RTN2: variants seen among roughly 807,000 people sequenced by gnomAD.
The protein encoded by RTN2 is reticulon 2.
In RTN2, 36 loss-of-function variants were observed where a neutral mutation model predicts 63.7. The observed-to-expected ratio is 0.56, with a 90% confidence interval of 0.43 to 0.75. The LOEUF (loss-of-function observed/expected upper bound fraction) is 0.75, where lower values mean the gene tolerates loss of function less well. RTN2 is among the 30% of genes least tolerant of loss of function. The probability of loss-of-function intolerance (pLI) is 0.00; values close to 1 mark genes in which losing one functional copy is unlikely to be tolerated. For synonymous variants in RTN2, 312 were observed against 313.0 expected (o/e 1.00, Z 0.03); for missense variants, 673 against 705.1 (o/e 0.95, Z 0.52).
rs10421736 is a variant in RTN2, at chr19:45,494,003, T to A, written c.814+163A>T. 611,336 of 1,223,612 alleles carry A rather than the reference T, an allele frequency of 0.5. 154,426 individuals carry two copies. The highest frequency in any genetic ancestry group is 0.54 in the East Asian group (22,816 of 41,868). The allele number at this position is 1,223,612 out of a possible 1,614,324, so 75.8% of individuals were successfully genotyped here. On this transcript the variant is annotated intron_variant, in intron 4 of 10. Transcript: ENST00000245923. The surrounding 1 kb of genome is among the most constrained non-coding windows in gnomAD (Gnocchi z 5.3). ...CCGCGCCCGGCCGGGGAAATTTTTT[T>A]AAAAAGCGGAGTTTATCACGTCTAG...
chr19:45,494,359 G>A lies in RTN2; in HGVS notation c.621C>T (p.Leu207=). 1.9e-6 allele frequency: 3 copies of A among 1,614,114 alleles called. No homozygotes were observed. The highest frequency in any genetic ancestry group is 2.2e-5 in the East Asian group (1 of 44,876). ...CCTGGGGTGTCCCAGAGCCCGGACT[G>A]AGCTGGGGAGTCAAGACCTCGGGCG... ...PSSPEVLTPQ[L]SPGSGTPQAG... Residue 207 remains leucine, a synonymous_variant, in exon 4 of 11, where the codon CTC becomes CTT. Transcript: ENST00000245923. This position sits in a 1 kb window ranked among gnomAD's most constrained non-coding sequence, Gnocchi z 5.3.
Position 45,494,319 on chromosome 19 carries a change from G to C in RTN2, c.661C>G (p.Pro221Ala), listed in dbSNP as rs1488284171. 1 of 1,614,138 alleles carries C rather than the reference G, an allele frequency of 6.2e-7. No homozygotes were observed. The highest frequency in any genetic ancestry group is 8.5e-7 in the Non-Finnish European group (1 of 1,180,024). Residue 221 changes from proline to alanine, a missense_variant, in exon 4 of 11, where the codon CCA (proline) becomes GCA (alanine). Coordinates refer to ENST00000245923, the MANE Select transcript of RTN2 (RefSeq NM_005619.5). The surrounding 1 kb of genome is among the most constrained non-coding windows in gnomAD (Gnocchi z 5.3). ...GAGTTCGAATCTCGCGATCGGGATG[G>C]GGACGGAGTACCGGCCTGGGGTGTC... The part of the protein sequence containing the change: ...SGTPQAGTPS[P>A]SRSRDSNSGP...
At position 45,494,348 on chromosome 19, in the gene RTN2, G is replaced by C; in HGVS notation, c.632C>G (p.Ser211Cys). 1 of 1,614,192 alleles carries C rather than the reference G, an allele frequency of 6.2e-7. No homozygotes were observed. Among genetic ancestry groups the C allele is most frequent in the Non-Finnish European group, 8.5e-7 (1 of 1,180,038 alleles). Residue 211 changes from serine to cysteine, a missense_variant, in exon 4 of 11, where the codon TCT becomes TGT. Physicochemically the swap from Ser to Cys is moderately radical, Grantham distance 112. Transcript: ENST00000245923. The surrounding 1 kb of genome is among the most constrained non-coding windows in gnomAD (Gnocchi z 5.3). ...CGGAGTACCGGCCTGGGGTGTCCCA[G>C]AGCCCGGACTGAGCTGGGGAGTCAA... Reference protein sequence around the residue: ...EVLTPQLSPGSGTPQAGTPSP... With the variant: ...EVLTPQLSPGCGTPQAGTPSP...
Position 45,486,231 on chromosome 19 carries a change from C to G in RTN2, c.1498-118G>C, listed in dbSNP as rs183139471. 0.011 allele frequency: 8,517 copies of G among 791,366 alleles called. 89 individuals carry two copies. The highest frequency in any genetic ancestry group is 0.016 in the Admixed American group (726 of 46,076). 49.0% of individuals were successfully genotyped at this position (791,366 alleles called of 1,614,324 possible). On this transcript the variant is annotated intron_variant, in intron 9 of 10. Transcript: ENST00000245923. ...AGGAGTTGTGAAGAGTGGCCCACCA[C>G]GCCACCCCCGGCTCTAAACTTCATA...
chr19:45,491,061 T>A (rs973939761), intron 5 of RTN2, among the ~76,000 whole-genome samples: 69 of 151,576 alleles, frequency 4.6e-4, no homozygotes, highest in African/African-American at 1.6e-3. Context: ...TAATTTTTTG[T>A]TATTTTTAGT....
intron 1 of RTN2, 167 bp downstream of exon 1, chr19:45,496,625 G>A (rs955340378): frequency 1.4e-5 from 6 of 420,738 alleles, no homozygotes; most frequent in Non-Finnish European, 2.1e-5. Flanking sequence ...TCCGGGTCAG[G>A]CTACCCCCGT....
chr19:45,485,983 CG>C (rs1968012537), intron 10 of RTN2, 71 bp downstream of exon 10: 3 of 1,465,258 alleles, frequency 2.0e-6, no homozygotes, highest in Non-Finnish European at 2.9e-6. Flanking sequence ...TTGCGGACAG[CG>C]AGAGTAGAAA....
At chr19:45,485,934 C>T in intron 10 of RTN2, 121 bp downstream of exon 10, 1 of 1,199,736 alleles carries the variant, frequency 8.3e-7, no homozygotes, top group Non-Finnish European at 1.2e-6. Context: ...ATTGGAATTG[C>T]CTCCTCAGCC....
chr19:45,489,185 G>A (rs1223405185), intron 6 of RTN2, 161 bp downstream of exon 6: 2 of 876,516 alleles, frequency 2.3e-6, no homozygotes, highest in East Asian at 5.3e-5. Context: ...AGGGTACCAG[G>A]TTAGGATCAG....
In RTN2 at chr19:45,486,092, C is replaced by G; in HGVS notation, c.1519G>C (p.Gly507Arg). Residue 507 changes from glycine to arginine, a missense_variant, in exon 10 of 11, where the codon GGG (glycine) becomes CGG (arginine). Coordinates refer to ENST00000245923, the MANE Select transcript of RTN2 (RefSeq NM_005619.5). ...TGGCTCAACTGATTGGTCACCAACC[C>G]CACATATTGGTCGATCTGAGCCTGG... ...QHQAQIDQYV[G>R]LVTNQLSHIK... 1 of 1,614,072 alleles carries G rather than the reference C, an allele frequency of 6.2e-7. No individual in the cohort carries two copies. The highest frequency in any genetic ancestry group is 8.5e-7 in the Non-Finnish European group (1 of 1,179,994).
intron 9 of RTN2, among the ~76,000 whole-genome samples, chr19:45,488,220 T>A (rs1484353333): frequency 6.6e-6 from 1 of 152,148 alleles, no homozygotes; most frequent in Non-Finnish European, 1.5e-5. Flanking sequence ...ACCACTGCAC[T>A]CCAGCCTGGG....
intron 1 of RTN2, among the ~76,000 whole-genome samples, chr19:45,495,681 G>A (rs755344560): frequency 1.3e-5 from 2 of 152,206 alleles, no homozygotes; most frequent in Non-Finnish European, 2.9e-5. Flanking sequence ...CCATGCAGAT[G>A]TTCAGGGACG....
In RTN2 at chr19:45,489,362, C is replaced by T; in HGVS notation, c.1225G>A (p.Gly409Arg). The part of the protein sequence containing the change: ...KVLQAVHRGD[G>R]ANPFQAYLDV... Reference sequence around the variant, plus strand: ...GGTTCTCACTGGAAAGGGTTGGCTCCATCCCCCCGGTGCACGGCCTGCAGC... The same window carrying T: ...GGTTCTCACTGGAAAGGGTTGGCTCTATCCCCCCGGTGCACGGCCTGCAGC... The change falls in exon 6 of 11, where the codon GGA (glycine) becomes AGA (arginine). Residue 409 changes from glycine (G) to arginine (R), a missense_variant. Coordinates refer to ENST00000245923, the MANE Select transcript of RTN2 (RefSeq NM_005619.5). 1.3e-6 allele frequency: 2 copies of T among 1,568,504 alleles called. No individual in the cohort carries two copies. The highest frequency in any genetic ancestry group is 1.7e-6 in the Non-Finnish European group (2 of 1,157,110).
At chr19:45,486,234 C>G in intron 9 of RTN2, 121 bp from the exon 10 acceptor site, 1 of 775,544 alleles carries the variant, frequency 1.3e-6, no homozygotes, top group Non-Finnish European at 2.2e-6. Context: ...CCCACCACGC[C>G]ACCCCCGGCT....
intron 7 of RTN2, 27 bp from the exon 8 acceptor site, chr19:45,488,733 A>G: frequency 6.2e-7 from 1 of 1,610,572 alleles, no homozygotes; most frequent in Non-Finnish European, 8.5e-7. Flanking sequence ...GGGTCAGCAG[A>G]GCCCACCGGG....
rs529811709 is a variant in RTN2, at chr19:45,485,563, A to C, written c.*145T>G. Reference sequence around the variant, plus strand: ...TCCTGGTCGCTCAGGTAATTAGCGCAGAGTCCCTAGTGGGAGTGATCCTGA... The same window carrying C: ...TCCTGGTCGCTCAGGTAATTAGCGCCGAGTCCCTAGTGGGAGTGATCCTGA... On this transcript the variant is annotated 3_prime_UTR_variant, in exon 11 of 11. Coordinates refer to ENST00000245923, the MANE Select transcript of RTN2 (RefSeq NM_005619.5). 1.5e-6 allele frequency: 1 copy of C among 656,978 alleles called. No homozygotes were observed. Among genetic ancestry groups the C allele is most frequent in the East Asian group, 2.6e-5 (1 of 38,642 alleles). 40.7% of individuals were successfully genotyped at this position (656,978 alleles called of 1,614,324 possible). A position where few individuals can be genotyped will look rare whatever the true frequency, so the allele number is the denominator to read the frequency against.
In RTN2 at chr19:45,495,193, A is replaced by G. The variant is rs1968247502; in HGVS notation, c.35-54T>C. ...TAGAAGCTTAGACTGTCCGAATCACAGAAGTGTCCCAGTCCTGGAATCTTA... is the reference window on the plus strand; with the variant it reads ...TAGAAGCTTAGACTGTCCGAATCACGGAAGTGTCCCAGTCCTGGAATCTTA... On this transcript the variant is annotated intron_variant, in intron 1 of 10. Coordinates refer to ENST00000245923, the MANE Select transcript of RTN2 (RefSeq NM_005619.5). The G allele has an allele frequency of 7.5e-6, 12 of 1,593,728 alleles. No homozygotes were observed. In the Admixed American group the frequency reaches 2.0e-4, roughly 27 times the overall value.
Position 45,485,779 on chromosome 19 carries a change from T to G in RTN2, c.1567A>C (p.Lys523Gln), listed in dbSNP as rs1409426791. ...LSHIKAKIRA[K>Q]IPGTGALASA... ...GCCAGGGCTCCGGTCCCTGGGATTT[T>G]AGCTCGGATCCTGAAGGAGAAACAG... Residue 523 changes from lysine (K) to glutamine (Q), a missense_variant, in exon 11 of 11, where the codon AAA (lysine) becomes CAA (glutamine). By Grantham distance (53) the Lys-to-Gln change is moderately conservative. Coordinates refer to ENST00000245923, the MANE Select transcript of RTN2 (RefSeq NM_005619.5). The G allele has an allele frequency of 1.2e-6, 2 of 1,613,624 alleles. No individual in the cohort carries two copies. Among genetic ancestry groups the G allele is most frequent in the Admixed American group, 3.3e-5 (2 of 59,988 alleles).
At chr19:45,491,602 G>C (rs1968162676) in intron 5 of RTN2, among the ~76,000 whole-genome samples, 1 of 149,828 alleles carries the variant, frequency 6.7e-6, no homozygotes, top group Admixed American at 6.7e-5. Context: ...CGCGATCTCA[G>C]CTCACTGCAA....
Sources: gnomAD v4.1 joint callset for allele counts (sites outside exome capture counted in the v4.1 genomes callset) on GRCh38, gnomAD v4.1.1 for gene constraint, Gnocchi (gnomAD v3.1) non-coding constraint, MANE v1.5 for transcripts, NCBI Gene and HGNC (gene_info 2026-07-23, HGNC 2026-07-21) for gene names.